The following NUP93 variants were observed in gnomAD, a reference collection of about 807,000 sequenced individuals.
NUP93 encodes the protein nucleoporin 93.
NUP93 carries 55 observed loss-of-function variants against 107.8 expected under a neutral mutation model. The observed-to-expected ratio is 0.51, with a 90% CI of 0.41 to 0.64. NUP93 has a LOEUF of 0.64. NUP93 is among the 30% of genes least tolerant of loss of function. The pLI, the probability that NUP93 is intolerant of heterozygous loss-of-function variation, is 0.00. For missense variants in NUP93, 937 were observed against 1,044.7 expected (o/e 0.90, Z 1.42); for synonymous variants, 390 against 397.5 (o/e 0.98, Z 0.22).
At chr16:56,733,738 G>A (rs1403657245) in intron 1 of NUP93, among the ~76,000 whole-genome samples, 3 of 152,122 alleles carry the variant, frequency 2.0e-5, no homozygotes, top group Non-Finnish European at 2.9e-5. Context: ...TGATAGATTA[G>A]AGTCCTCCTA....
At chr16:56,815,624 A>C (rs1401035267) in intron 5 of NUP93, among the ~76,000 whole-genome samples, 6 of 152,186 alleles carry the variant, frequency 3.9e-5, no homozygotes, top group African/African-American at 1.2e-4. Flanking sequence ...GATAACAGCT[A>C]GTGTTTATTG....
intron 10 of NUP93, among the ~76,000 whole-genome samples, chr16:56,831,229 C>T (rs780585504): frequency 2.6e-5 from 4 of 152,168 alleles, no homozygotes; most frequent in African/African-American, 4.8e-5. Flanking sequence ...TGGACTTAAG[C>T]TCATACTCAA....
At chr16:56,749,068 G>T (rs1961871962) in intron 2 of NUP93, among the ~76,000 whole-genome samples, 1 of 152,192 alleles carries the variant, frequency 6.6e-6, no homozygotes, top group Admixed American at 6.5e-5. Context: ...CACAGCATCA[G>T]TTGGGCTGTT....
chr16:56,804,433 G>T (rs1315189384), intron 4 of NUP93, among the ~76,000 whole-genome samples: 1 of 152,180 alleles, frequency 6.6e-6, no homozygotes, highest in Non-Finnish European at 1.5e-5. Context: ...TATGCTGATT[G>T]TCTCTGGCTT....
intron 1 of NUP93, among the ~76,000 whole-genome samples, chr16:56,743,585 A>C (rs190241076): frequency 6.6e-6 from 1 of 152,210 alleles, no homozygotes; most frequent in African/African-American, 2.4e-5. Context: ...CCTTTGTTTG[A>C]TTGGCAGCAG....
At chr16:56,816,955 C>T (rs187520584) in intron 5 of NUP93, among the ~76,000 whole-genome samples, 34 of 152,144 alleles carry the variant, frequency 2.2e-4, no homozygotes, top group Admixed American at 3.3e-4. Context: ...AAGTGATTGC[C>T]GTTGAAAGTA....
Position 56,744,786 on chromosome 16 carries a change from C to A in NUP93, c.-14-3448C>A, listed in dbSNP as rs370083981. Among the ~76,000 whole-genome samples the A allele has an allele frequency of 1.4e-4, 21 of 152,306 alleles. No homozygotes were observed. The East Asian group carries it at 4.0e-3, about 29-fold the overall frequency. On this transcript the variant is annotated intron_variant, in intron 1 of 21. Transcript: ENST00000308159. The stretch of plus-strand genomic sequence containing the variant: ...TATGAATTCATGCCATTTAGACTGT[C>A]ACTGCCTTATGCTGTGCTGCCTCAG...
chr16:56,767,124 C>T (rs532724876), intron 3 of NUP93, among the ~76,000 whole-genome samples: 1 of 152,340 alleles, frequency 6.6e-6, no homozygotes, highest in African/African-American at 2.4e-5. Context: ...CTGACAGCTG[C>T]TGGTCTGCAG....
intron 5 of NUP93, among the ~76,000 whole-genome samples, chr16:56,814,254 C>T (rs1963373629): frequency 6.6e-6 from 1 of 152,146 alleles, no homozygotes; most frequent in Admixed American, 6.5e-5. Flanking sequence ...AATCTCAGCT[C>T]ACTGCAACTT....
intron 3 of NUP93, among the ~76,000 whole-genome samples, chr16:56,795,135 A>G (rs1417877598): frequency 2.0e-5 from 3 of 151,682 alleles, no homozygotes; most frequent in African/African-American, 4.8e-5. Context: ...ACTACCCCCA[A>G]ACGTAGCTTG....
chr16:56,812,029 G>A (rs1259768730), intron 5 of NUP93, among the ~76,000 whole-genome samples: 2 of 152,166 alleles, frequency 1.3e-5, no homozygotes, highest in African/African-American at 4.8e-5. Context: ...GATAATTAAA[G>A]GAGTATGACA....
intron 1 of NUP93, among the ~76,000 whole-genome samples, chr16:56,740,185 C>T (rs1231665182): frequency 2.7e-5 from 4 of 147,404 alleles, no homozygotes; most frequent in Admixed American, 6.7e-5. Context: ...CCTCACTTCC[C>T]AGATGGGGTG....
intron 1 of NUP93, among the ~76,000 whole-genome samples, chr16:56,742,492 A>T (rs1233384947): frequency 1.3e-5 from 2 of 152,272 alleles, no homozygotes; most frequent in African/African-American, 4.8e-5. Flanking sequence ...TTATTAAAGT[A>T]CAGCCACGCC....
At chr16:56,747,968 AT>A (rs1961849457) in intron 1 of NUP93, 1 of 234,168 alleles carries the variant, frequency 4.3e-6, no homozygotes, top group Non-Finnish European at 8.4e-6. Flanking sequence ...GTGACTTGAT[AT>A]CTGTGCATTT....
intron 2 of NUP93, among the ~76,000 whole-genome samples, chr16:56,755,126 T>C (rs1214617401): frequency 6.6e-6 from 1 of 152,174 alleles, no homozygotes; most frequent in East Asian, 1.9e-4. Context: ...GCAATTCCAC[T>C]CATAGGTATA....
At chr16:56,833,723 G>A (rs1190630603) in intron 13 of NUP93, among the ~76,000 whole-genome samples, 1 of 152,116 alleles carries the variant, frequency 6.6e-6, no homozygotes, top group African/African-American at 2.4e-5. Flanking sequence ...ATTAGGGCTG[G>A]CTTTAATGAC....
chr16:56,841,819 G>A lies in NUP93; in HGVS notation c.2335G>A (p.Glu779Lys), dbSNP rs77860880. ...SSSSRPQRVI[E>K]DRDSQLRSQA... Reference sequence around the variant, plus strand: ...GTCATCCAGGCCCCAGCGAGTCATCGAGGACCGCGACTCTGTAAGATCCCA... The same window carrying A: ...GTCATCCAGGCCCCAGCGAGTCATCAAGGACCGCGACTCTGTAAGATCCCA... The change falls in exon 21 of 22, where the codon GAG becomes AAG. Residue 779 changes from glutamate (E) to lysine (K), a missense_variant. Physicochemically the swap from Glu to Lys is moderately conservative, Grantham distance 56. Transcript: ENST00000308159. The A allele has an allele frequency of 1.3e-3, 2,079 of 1,614,104 alleles. 30 individuals are homozygous for A. The African/African-American group carries it at 0.022, about 17-fold the overall frequency.
At chr16:56,760,630 A>T (rs773729017) in intron 3 of NUP93, among the ~76,000 whole-genome samples, 3 of 152,186 alleles carry the variant, frequency 2.0e-5, no homozygotes, top group Non-Finnish European at 4.4e-5. Context: ...CACTGTCATG[A>T]GGACAGCACC....
intron 10 of NUP93, 113 bp downstream of exon 10, chr16:56,830,798 G>C: frequency 9.9e-7 from 1 of 1,012,652 alleles, no homozygotes; most frequent in Non-Finnish European, 1.3e-6. Flanking sequence ...TTCTGCTTGG[G>C]GGAAAAAGGA....
Sources: allele counts gnomAD v4.1 joint callset (sites outside exome capture counted in the v4.1 genomes callset), GRCh38; gene constraint gnomAD v4.1.1; transcripts MANE v1.5; gene names NCBI Gene and HGNC (gene_info 2026-07-23, HGNC 2026-07-21).